The following PFKP variants were observed in gnomAD, a reference collection of about 807,000 sequenced individuals.
PFKP encodes the protein ATP-dependent 6-phosphofructokinase, platelet type.
PFKP carries 101 observed loss-of-function variants against 94.3 expected under a neutral mutation model. The ratio of observed to expected loss-of-function variants is 1.07; its 90% CI spans 0.91 to 1.26. The LOEUF is 1.26. Among genes scored for constraint, PFKP ranks in the 50% most tolerant of loss-of-function variants. The pLI is 0.00. For synonymous variants in PFKP, 573 were observed against 432.6 expected, an observed-to-expected ratio of 1.32 and a Z score of -4.03; for missense variants, 1,145 against 1,103.3, an observed-to-expected ratio of 1.04 and a Z score of -0.53.
At position 3,070,926 on chromosome 10, in the gene PFKP, T is replaced by TTATTA. The variant is rs767737023; in HGVS notation, c.112+3220_112+3221insATTAT. ...TATTATTATTATTATTATTATTATTTTTGTAGAGACAGGATCTCACTATGC... is the reference window on the plus strand; with the variant it reads ...TATTATTATTATTATTATTATTATTTTATTATTGTAGAGACAGGATCTCACTATGC... On this transcript the variant is annotated intron_variant, in intron 1 of 21. Transcript: ENST00000381125. Among the ~76,000 whole-genome samples the TTATTA allele has an allele frequency of 7.1e-4, 106 of 148,372 alleles. 1 individual carries two copies. Among genetic ancestry groups the TTATTA allele is most frequent in the Admixed American group, 1.1e-3 (16 of 15,050 alleles).
rs1000868361 is a variant in PFKP at position 3,136,722 on chromosome 10, G to A, written c.*143G>A. 3 of 760,838 alleles carry A rather than the reference G, an allele frequency of 3.9e-6. No homozygotes were observed. Among genetic ancestry groups the A allele is most frequent in the African/African-American group, 3.5e-5 (2 of 57,516 alleles). 47.1% of individuals were successfully genotyped at this position (760,838 alleles called of 1,614,324 possible). ...GCCCATCTGCCCCACCTGCTCCAGT[G>A]CGTGCTGTCTGTGGAGTGTGTCTCA... On this transcript the variant is annotated 3_prime_UTR_variant, in exon 22 of 22. Coordinates refer to ENST00000381125, the MANE Select transcript of PFKP (RefSeq NM_002627.5).
rs191684544 is a variant in PFKP at position 3,109,584 on chromosome 10, C to G, written c.1089+104C>G. 1.7e-5 allele frequency: 23 copies of G among 1,363,688 alleles called. No homozygotes were observed. In the Admixed American group the frequency reaches 4.2e-4, roughly 25 times the overall value. 84.5% of individuals were successfully genotyped at this position (1,363,688 alleles called of 1,614,324 possible). On this transcript the variant is annotated intron_variant, in intron 10 of 21. Transcript: ENST00000381125. Reference sequence around the variant, plus strand: ...TTGGGTGTCTCGTCGGTGCACGATGCATTACACGGCCTTTCTGAGAAGGAG... The same window carrying G: ...TTGGGTGTCTCGTCGGTGCACGATGGATTACACGGCCTTTCTGAGAAGGAG...
In PFKP at chr10:3,109,516, G is replaced by A. The variant is rs368860433; in HGVS notation, c.1089+36G>A. On this transcript the variant is annotated intron_variant, in intron 10 of 21. Transcript: ENST00000381125. ...AGCCCATGGCCAAGGGCAGGGCGGA[G>A]ACGGCTGGGACAGAAGCTGCTTGTC... is the stretch of plus-strand genomic sequence containing the variant. 66 of 1,592,220 alleles carry A rather than the reference G, an allele frequency of 4.1e-5. No individual in the cohort carries two copies. In the African/African-American group the frequency reaches 7.6e-4, roughly 18 times the overall value.
chr10:3,104,158 AAC>A (rs998426837), intron 5 of PFKP, among the ~76,000 whole-genome samples: 7 of 152,318 alleles, frequency 4.6e-5, no homozygotes, highest in African/African-American at 1.7e-4. Context: ...GATGATAGAA[AAC>A]AGTTTATTAG....
intron 13 of PFKP, among the ~76,000 whole-genome samples, chr10:3,113,947 G>A (rs1272056650): frequency 6.6e-6 from 1 of 152,182 alleles, no homozygotes; most frequent in Admixed American, 6.5e-5. Context: ...GCTGTATCCA[G>A]TTGTTCTGTG....
At chr10:3,107,639 C>A in intron 8 of PFKP, 3 of 552,000 alleles carry the variant, frequency 5.4e-6, no homozygotes, top group Non-Finnish European at 6.9e-6. Flanking sequence ...AGAATGAGGA[C>A]TGACCACTTG....
chr10:3,090,498 C>T (rs915938232), intron 2 of PFKP, among the ~76,000 whole-genome samples: 22 of 152,264 alleles, frequency 1.4e-4, no homozygotes, highest in South Asian at 1.0e-3. Flanking sequence ...GGTAGGGAAA[C>T]GGGGTCTGCA....
intron 16 of PFKP, among the ~76,000 whole-genome samples, chr10:3,124,849 C>T (rs938774836): frequency 8.5e-5 from 13 of 152,220 alleles, no homozygotes; most frequent in Admixed American, 2.0e-4. Flanking sequence ...CACACCACCC[C>T]GCTGTGCTGC....
chr10:3,090,841 T>C (rs1309693963), intron 2 of PFKP, among the ~76,000 whole-genome samples: 7 of 152,178 alleles, frequency 4.6e-5, no homozygotes, highest in African/African-American at 1.7e-4. Context: ...GTTTTATTTT[T>C]TTAAGGATGA....
Position 3,118,787 on chromosome 10 carries a change from TC to T in PFKP, c.1451del (p.Pro484ArgfsTer21). 2 of 1,613,074 alleles carry T rather than the reference TC, an allele frequency of 1.2e-6. No homozygotes were observed. Among genetic ancestry groups the T allele is most frequent in the Non-Finnish European group, 1.7e-6 (2 of 1,179,308 alleles). ...CTCCACGTGGCTATTTTCAGCGTTC[TC>T]CCGGGGAAGTACTTGGAAGAGATCG... is the stretch of plus-strand genomic sequence containing the variant. ...GGSILGTKRV[L>X]PGKYLEEIAT... On this transcript the variant is annotated frameshift_variant, in exon 15 of 22. Transcript: ENST00000381125. LOFTEE classifies it high-confidence loss of function.
In PFKP at chr10:3,069,419, T is replaced by C. The variant is rs759044918; in HGVS notation, c.112+1712T>C. ...GAATGGAGCCGCCTTGGGGTCGGGA[T>C]AGGACCCAGAGTGGCTTCTCAGTCA... On this transcript the variant is annotated intron_variant, in intron 1 of 21. Coordinates refer to ENST00000381125, the MANE Select transcript of PFKP (RefSeq NM_002627.5). 6 of 1,569,422 alleles carry C rather than the reference T, an allele frequency of 3.8e-6. No homozygotes were observed. The South Asian group carries it at 7.1e-5, about 19-fold the overall frequency.
At chr10:3,125,116 A>G (rs926126914) in intron 16 of PFKP, 10 of 1,321,478 alleles carry the variant, frequency 7.6e-6, no homozygotes, top group Admixed American at 2.3e-5. Flanking sequence ...AGTGCGTGCG[A>G]CATGGCCGAG....
intron 1 of PFKP, among the ~76,000 whole-genome samples, chr10:3,079,669 G>A (rs149090841): frequency 3.4e-5 from 4 of 117,572 alleles, no homozygotes; most frequent in Admixed American, 8.8e-5. Context: ...GGGTGGGGGG[G>A]GGGGGAAGAG....
In PFKP at chr10:3,099,322, C is replaced by CT; in HGVS notation, c.235dup (p.Trp79LeufsTer78). On this transcript the variant is annotated frameshift_variant, in exon 3 of 22. Coordinates refer to ENST00000381125, the MANE Select transcript of PFKP (RefSeq NM_002627.5). LOFTEE classifies it high-confidence loss of function. ...GAGGCTCAAACATCGCAGAGGCCGACTGGGAGAGTGTCTCCAGCATCCTGC... is the reference window on the plus strand; with the variant it reads ...GAGGCTCAAACATCGCAGAGGCCGACTTGGGAGAGTGTCTCCAGCATCCTGC... 6.2e-7 allele frequency: 1 copy of CT among 1,614,166 alleles called. No homozygotes were observed. Among genetic ancestry groups the CT allele is most frequent in the Non-Finnish European group, 8.5e-7 (1 of 1,179,982 alleles).
intron 17 of PFKP, 59 bp downstream of exon 17, chr10:3,130,042 G>T: frequency 6.9e-7 from 1 of 1,442,634 alleles, no homozygotes; most frequent in Non-Finnish European, 9.4e-7. Context: ...GTGCTGCGGA[G>T]TGAATCATCG....
At chr10:3,133,985 C>A (rs1353206066) in intron 19 of PFKP, among the ~76,000 whole-genome samples, 1 of 152,202 alleles carries the variant, frequency 6.6e-6, no homozygotes, top group East Asian at 1.9e-4. Flanking sequence ...GAATGAGCTG[C>A]ACACAGGCAC....
intron 16 of PFKP, among the ~76,000 whole-genome samples, chr10:3,123,057 C>G (rs1009609881): frequency 6.6e-6 from 1 of 152,212 alleles, no homozygotes; most frequent in Non-Finnish European, 1.5e-5. Context: ...TGATTTCCTT[C>G]TTGCCAGCAT....
At chr10:3,107,657 A>C (rs1282961863) in intron 8 of PFKP, 1 of 794,346 alleles carries the variant, frequency 1.3e-6, no homozygotes, top group African/African-American at 1.9e-5. Context: ...TTGGCAGCCG[A>C]CCCGGGCTTC....
chr10:3,107,503 T>C (rs1241364943), intron 8 of PFKP, among the ~76,000 whole-genome samples, 194 bp downstream of exon 8: 1 of 152,248 alleles, frequency 6.6e-6, no homozygotes, highest in East Asian at 1.9e-4. Flanking sequence ...CCCATTCCGC[T>C]TACGTCACCT....
Sources: allele counts gnomAD v4.1 joint callset (sites outside exome capture counted in the v4.1 genomes callset), GRCh38; gene constraint gnomAD v4.1.1; transcripts MANE v1.5; gene names NCBI Gene and HGNC (gene_info 2026-07-23, HGNC 2026-07-21).